NUDT6: variants seen among roughly 807,000 people sequenced by gnomAD.
The protein encoded by NUDT6 is nudix hydrolase 6.
In NUDT6, 24 loss-of-function variants were observed where a neutral mutation model predicts 36.8. That is an observed-to-expected ratio of 0.65 (90% CI 0.47 to 0.92). The LOEUF is 0.92. NUDT6 is among the 40% of genes least tolerant of loss of function. The probability of loss-of-function intolerance (pLI) is 0.00; values close to 1 mark genes in which losing one functional copy is unlikely to be tolerated. For synonymous variants in NUDT6, 163 were observed against 157.0 expected (o/e 1.04, Z -0.29); for missense variants, 388 against 392.8 (o/e 0.99, Z 0.10).
intron 3 of NUDT6, among the ~76,000 whole-genome samples, chr4:122,909,811 A>T (rs188824758): frequency 1.3e-4 from 20 of 152,354 alleles, no homozygotes; most frequent in African/African-American, 4.8e-4. Context: ...AGAGTGGAAA[A>T]AGGGAAAACT....
intron 2 of NUDT6, among the ~76,000 whole-genome samples, chr4:122,915,484 A>AAAAAAAAAC (rs1727815817): frequency 6.4e-5 from 8 of 125,270 alleles, no homozygotes; most frequent in Admixed American, 5.6e-4. Context: ...AAAAAAAAAA[A>AAAAAAAAAC]AAAAAAAAAA....
At chr4:122,921,984 A>G (rs1728031304) in intron 1 of NUDT6, 2 of 253,638 alleles carry the variant, frequency 7.9e-6, no homozygotes, top group Non-Finnish European at 1.5e-5. Context: ...TATGTGCATT[A>G]TCCAAATTAA....
chr4:122,902,166 C>T (rs1727536215), intron 3 of NUDT6, among the ~76,000 whole-genome samples: 1 of 152,154 alleles, frequency 6.6e-6, no homozygotes, highest in Non-Finnish European at 1.5e-5. Context: ...CAGAGTGTCT[C>T]ATAAGTTTGT....
chr4:122,912,479 C>T (rs1278515467), intron 3 of NUDT6, 89 bp downstream of exon 3: 1 of 877,222 alleles, frequency 1.1e-6, no homozygotes, highest in South Asian at 1.4e-5. Flanking sequence ...TTCTATAACC[C>T]CTTAGGCATA....
chr4:122,896,670 A>G (rs1014080476), intron 4 of NUDT6: 6 of 152,192 alleles, frequency 3.9e-5, no homozygotes, highest in African/African-American at 1.4e-4. Context: ...TCTTAATGCA[A>G]TCCATTTTCT....
chr4:122,912,588 C>A lies in NUDT6; in HGVS notation c.478G>T (p.Val160Phe), dbSNP rs1312756319. The stretch of plus-strand genomic sequence containing the variant: ...CTTACTTTATTTCGATCTTGTACAA[C>A]CAGTATTTTTCTAGTACTTTCATCA... ...VFDESTRKIL[V>F]VQDRNKLKNM... The change falls in exon 3 of 5, where the codon GTT (valine) becomes TTT (phenylalanine). Residue 160 changes from valine to phenylalanine, a missense_variant. Coordinates refer to ENST00000304430, the MANE Select transcript of NUDT6 (RefSeq NM_007083.5). 5.6e-6 allele frequency: 9 copies of A among 1,593,824 alleles called. No homozygotes were observed. Among genetic ancestry groups the A allele is most frequent in the African/African-American group, 2.7e-5 (2 of 74,504 alleles).
chr4:122,897,385 C>T (rs1727394589), intron 4 of NUDT6: 1 of 501,138 alleles, frequency 2.0e-6, no homozygotes, highest in Admixed American at 3.5e-5. Context: ...CAGAAGCAGT[C>T]ATAAACAGAA....
intron 3 of NUDT6, among the ~76,000 whole-genome samples, chr4:122,899,044 ATT>A (rs113708696): frequency 1.2e-4 from 8 of 69,412 alleles, no homozygotes; most frequent in Admixed American, 3.8e-4. Flanking sequence ...ACCACACCTA[ATT>A]TTTTTTTTTT....
intron 1 of NUDT6, 40 bp from the exon 2 acceptor site, chr4:122,917,744 G>T (rs754895662): frequency 6.3e-7 from 1 of 1,586,078 alleles, no homozygotes; most frequent in Non-Finnish European, 8.6e-7. Flanking sequence ...TTTCCAAAGA[G>T]ACGAGTGGAA....
chr4:122,895,828 A>C (rs1011810659), intron 4 of NUDT6: 3 of 152,214 alleles, frequency 2.0e-5, no homozygotes, highest in African/African-American at 7.2e-5. Context: ...AGCCAATATA[A>C]ATGTTTAACT....
At chr4:122,914,250 C>A (rs184504031) in intron 2 of NUDT6, among the ~76,000 whole-genome samples, 11 of 152,274 alleles carry the variant, frequency 7.2e-5, no homozygotes, top group African/African-American at 2.6e-4. Context: ...CCACACTTGA[C>A]TATTTTAAAG....
At chr4:122,922,046 G>A (rs1203336473) in intron 1 of NUDT6, 3 of 368,742 alleles carry the variant, frequency 8.1e-6, no homozygotes, top group Non-Finnish European at 1.5e-5. Context: ...AAGAGGAAAT[G>A]GTGGTTTACG....
intron 1 of NUDT6, chr4:122,918,909 G>A (rs898091): frequency 0.86 from 130,386 of 152,264 alleles, 56,711 homozygotes; most frequent in East Asian, 0.96. Flanking sequence ...GCATATGCCC[G>A]TAACACACTT....
In NUDT6 at chr4:122,899,900, A is replaced by C. The variant is rs377131751; in HGVS notation, c.499-2222T>G. ...AGGCACAGATCACAGATATCCAATGAAAGAGCAGGCTGGGGACTGGGCCAC... is the reference window on the plus strand; with the variant it reads ...AGGCACAGATCACAGATATCCAATGCAAGAGCAGGCTGGGGACTGGGCCAC... On this transcript the variant is annotated intron_variant, in intron 3 of 4. Coordinates refer to ENST00000304430, the MANE Select transcript of NUDT6 (RefSeq NM_007083.5). Among the ~76,000 whole-genome samples the C allele has an allele frequency of 2.8e-4, 42 of 152,286 alleles. No individual in the cohort carries two copies. The East Asian group carries it at 7.9e-3, about 29-fold the overall frequency.
chr4:122,907,446 TTTC>T (rs1466098284), intron 3 of NUDT6, among the ~76,000 whole-genome samples: 1 of 83,026 alleles, frequency 1.2e-5, no homozygotes, highest in East Asian at 5.0e-4. Context: ...ATTTCTTTAC[TTTC>T]TTTTTTTTTT....
chr4:122,904,417 T>C (rs1727579453), intron 3 of NUDT6, among the ~76,000 whole-genome samples: 1 of 152,100 alleles, frequency 6.6e-6, no homozygotes. Flanking sequence ...CTCCACCCAG[T>C]TCTAAGTTGG....
intron 4 of NUDT6, 98 bp from the exon 5 acceptor site, chr4:122,893,323 A>G (rs1438857320): frequency 8.6e-7 from 1 of 1,161,346 alleles, no homozygotes. Flanking sequence ...GTAAAGGCTC[A>G]AAACATTACC....
intron 3 of NUDT6, among the ~76,000 whole-genome samples, chr4:122,904,601 T>C (rs2390398): frequency 1 from 151,766 of 152,244 alleles, 75,644 homozygotes; most frequent in Middle Eastern, 1. Context: ...GGATTACAGG[T>C]GCATACCACC....
chr4:122,903,269 T>A (rs1727559355), intron 3 of NUDT6, among the ~76,000 whole-genome samples: 1 of 152,192 alleles, frequency 6.6e-6, no homozygotes, highest in Non-Finnish European at 1.5e-5. Flanking sequence ...TCTTATATAA[T>A]TTGAACTTCT....
Sources: allele counts gnomAD v4.1 joint callset (sites outside exome capture counted in the v4.1 genomes callset), GRCh38; gene constraint gnomAD v4.1.1; transcripts MANE v1.5; gene names NCBI Gene and HGNC (gene_info 2026-07-23, HGNC 2026-07-21).